The following CARMIL1 variants were observed in gnomAD, a reference collection of about 807,000 sequenced individuals.
CARMIL1 encodes the protein F-actin-uncapping protein LRRC16A.
A neutral mutation model predicts 177.1 loss-of-function variants in CARMIL1; 90 were observed. The observed-to-expected ratio is 0.51, with a 90% CI of 0.43 to 0.61. The LOEUF (loss-of-function observed/expected upper bound fraction) is 0.61. Among genes scored for constraint, CARMIL1 ranks in the 20% least tolerant of loss-of-function variants. The pLI is 0.00. For synonymous variants in CARMIL1, 577 were observed against 606.2 expected (o/e 0.95, Z 0.71); for missense variants, 1,380 against 1,667.0 (o/e 0.83, Z 3.00).
intron 17 of CARMIL1, among the ~76,000 whole-genome samples, chr6:25,501,701 T>C (rs141066406): frequency 1.3e-5 from 2 of 152,294 alleles, no homozygotes; most frequent in East Asian, 3.9e-4. Context: ...TTAACTCCTG[T>C]ATGCTTGGAT....
chr6:25,441,898 T>G (rs1797814433), intron 5 of CARMIL1, among the ~76,000 whole-genome samples: 1 of 152,018 alleles, frequency 6.6e-6, no homozygotes, highest in South Asian at 2.1e-4. Flanking sequence ...AGCTAGATTT[T>G]TTTTTTTTAG....
chr6:25,337,755 A>G (rs1168624954), intron 2 of CARMIL1, among the ~76,000 whole-genome samples: 8 of 152,224 alleles, frequency 5.3e-5, no homozygotes, highest in African/African-American at 2.4e-5. Context: ...AGTACTAGAA[A>G]ATGTTCTCTT....
At chr6:25,387,114 C>CAAAAAA (rs377548646) in intron 2 of CARMIL1, among the ~76,000 whole-genome samples, 17,208 of 100,570 alleles carry the variant, frequency 0.17, 1,467 homozygotes, top group East Asian at 0.25. Flanking sequence ...ACTCTGTCTC[C>CAAAAAA]AAAAAAAAAA....
rs34928775 is a variant in CARMIL1 at position 25,340,777 on chromosome 6, G to GTTT, written c.138+55893_138+55895dup. Reference sequence around the variant, plus strand: ...AAGCTGGAGAAGGCTGTCAATGAAGGTTTTTTTTTTTTTTTTTTTTTTTTT... The same window carrying GTTT: ...AAGCTGGAGAAGGCTGTCAATGAAGGTTTTTTTTTTTTTTTTTTTTTTTTTTTT... On this transcript the variant is annotated intron_variant, in intron 2 of 36. Transcript: ENST00000329474. 4.6e-3 allele frequency among the ~76,000 whole-genome samples: 398 copies of GTTT among 86,134 alleles called. 26 individuals carry two copies. Among genetic ancestry groups the GTTT allele is most frequent in the African/African-American group, 0.01 (251 of 25,084 alleles). 56.5% of individuals were successfully genotyped at this position (86,134 alleles called of 152,430 possible). A position where few individuals can be genotyped will look rare whatever the true frequency, so the allele number is the denominator to read the frequency against.
intron 4 of CARMIL1, among the ~76,000 whole-genome samples, chr6:25,429,881 C>T (rs1796592574): frequency 1.4e-5 from 2 of 145,430 alleles, no homozygotes; most frequent in Admixed American, 1.3e-4. Flanking sequence ...GAGTCTCACT[C>T]TGTCACCAGG....
Position 25,448,916 on chromosome 6 carries a change from C to CTTTTT in CARMIL1, c.372-969_372-965dup, listed in dbSNP as rs36000360. On this transcript the variant is annotated intron_variant, in intron 5 of 36. Coordinates refer to ENST00000329474, the MANE Select transcript of CARMIL1 (RefSeq NM_017640.6). Reference sequence around the variant, plus strand: ...ACATTACCACACACCAGGGATTCTTCTTTTTTTTTTTTTTTTTGGAGAGTC... The same window carrying CTTTTT: ...ACATTACCACACACCAGGGATTCTTCTTTTTTTTTTTTTTTTTTTTTTGGAGAGTC... Among the ~76,000 whole-genome samples the CTTTTT allele has an allele frequency of 7.1e-5, 9 of 126,454 alleles. 1 individual carries two copies. The highest frequency in any genetic ancestry group is 1.2e-4 in the African/African-American group (4 of 33,892). 83.0% of individuals were successfully genotyped at this position (126,454 alleles called of 152,430 possible).
intron 3 of CARMIL1, among the ~76,000 whole-genome samples, chr6:25,426,040 T>C (rs958864323): frequency 3.9e-5 from 6 of 152,096 alleles, no homozygotes; most frequent in African/African-American, 1.4e-4. Context: ...TGAAGCAAAA[T>C]TTTGAAGTGA....
At chr6:25,295,960 G>C (rs1474128724) in intron 2 of CARMIL1, among the ~76,000 whole-genome samples, 1 of 152,198 alleles carries the variant, frequency 6.6e-6, no homozygotes, top group Non-Finnish European at 1.5e-5. Context: ...TGGTAGTTGA[G>C]TAGATTCACA....
At chr6:25,581,153 TTAAA>T in intron 30 of CARMIL1, 86 bp from the exon 31 acceptor site, 1 of 1,361,444 alleles carries the variant, frequency 7.3e-7, no homozygotes, top group Admixed American at 2.3e-5. Flanking sequence ...TATGCTAGAC[TTAAA>T]ATTACTTTTA....
intron 23 of CARMIL1, among the ~76,000 whole-genome samples, chr6:25,521,468 T>C (rs1806545004): frequency 6.6e-6 from 1 of 152,198 alleles, no homozygotes; most frequent in Non-Finnish European, 1.5e-5. Context: ...GGTCTGCAGT[T>C]ACTTATCAAT....
chr6:25,580,968 G>A lies in CARMIL1; in HGVS notation c.2787G>A (p.Leu929=), dbSNP rs1813065372. The A allele has an allele frequency of 6.2e-7, 1 of 1,601,694 alleles. No homozygotes were observed. The highest frequency in any genetic ancestry group is 8.5e-7 in the Non-Finnish European group (1 of 1,173,584). ...SKRKSIHSRM[L]RPVSRAFEME... is the part of the protein sequence containing the mutation. ...GGAAGAGTATCCATAGCCGAATGCT[G>A]CGGCCTGTTTCTAGGGCTTTTGGTA... The change falls in exon 30 of 37, where the codon CTG becomes CTA. Residue 929 remains leucine (L), a synonymous_variant. Coordinates refer to ENST00000329474, the MANE Select transcript of CARMIL1 (RefSeq NM_017640.6).
intron 2 of CARMIL1, among the ~76,000 whole-genome samples, chr6:25,306,724 G>A (rs1278163211): frequency 6.6e-6 from 1 of 151,864 alleles, no homozygotes; most frequent in African/African-American, 2.4e-5. Context: ...TTATTTTTTG[G>A]CTACTGTGAA....
chr6:25,456,133 G>A (rs1423661110), intron 8 of CARMIL1, among the ~76,000 whole-genome samples: 5 of 152,162 alleles, frequency 3.3e-5, no homozygotes, highest in Non-Finnish European at 7.3e-5. Flanking sequence ...CATGTGCATC[G>A]TCCTGTCCTG....
chr6:25,494,426 C>T (rs986962569), intron 15 of CARMIL1, among the ~76,000 whole-genome samples: 1 of 152,064 alleles, frequency 6.6e-6, no homozygotes, highest in Non-Finnish European at 1.5e-5. Context: ...TTTCTTAAAC[C>T]CTTATCATAT....
Position 25,551,083 on chromosome 6 carries a change from T to C in CARMIL1, c.2502T>C (p.Ile834=), listed in dbSNP as rs1486150532. 1 of 1,611,470 alleles carries C rather than the reference T, an allele frequency of 6.2e-7. No individual in the cohort carries two copies. The highest frequency in any genetic ancestry group is 2.2e-5 in the East Asian group (1 of 44,870). Residue 834 remains isoleucine, a splice_region_variant and synonymous_variant, in exon 27 of 37, where the codon ATT becomes ATC. Transcript: ENST00000329474. ...EQSGIDILNK[I]SEVKLTVASF... Reference sequence around the variant, plus strand: ...CTGGAATTGATATCCTTAACAAAATTAGGTAGGTTTATAATGTTAATAAAC... The same window carrying C: ...CTGGAATTGATATCCTTAACAAAATCAGGTAGGTTTATAATGTTAATAAAC...
intron 29 of CARMIL1, 149 bp downstream of exon 29, chr6:25,556,999 A>C: frequency 1.2e-6 from 1 of 825,354 alleles, no homozygotes; most frequent in Admixed American, 2.9e-5. Context: ...AGTCCTAAAG[A>C]GGCCGCTAAT....
At chr6:25,377,494 T>C (rs1234166903) in intron 2 of CARMIL1, among the ~76,000 whole-genome samples, 2 of 152,180 alleles carry the variant, frequency 1.3e-5, no homozygotes, top group Non-Finnish European at 2.9e-5. Flanking sequence ...CTAGTGGGGC[T>C]GCCACACTCC....
Position 25,594,541 on chromosome 6 carries a change from A to G in CARMIL1, c.3119+14A>G. On this transcript the variant is annotated intron_variant, in intron 32 of 36. Transcript: ENST00000329474. ...AATGGATTCCAAGTGAGTTCAGAGT[A>G]ATTTCACTGATAATGCTATTTTATT... 1 of 1,331,000 alleles carries G rather than the reference A, an allele frequency of 7.5e-7. No individual in the cohort carries two copies. Among genetic ancestry groups the G allele is most frequent in the Non-Finnish European group, 1.1e-6 (1 of 926,494 alleles). 82.4% of individuals were successfully genotyped at this position (1,331,000 alleles called of 1,614,324 possible). A position where few individuals can be genotyped will look rare whatever the true frequency, so the allele number is the denominator to read the frequency against.
chr6:25,480,581 A>T (rs1261224168), intron 11 of CARMIL1, among the ~76,000 whole-genome samples: 26 of 150,292 alleles, frequency 1.7e-4, no homozygotes, highest in Admixed American at 1.7e-3. Context: ...TATTCAAATA[A>T]ATCATCTTTG....
Sources: gnomAD v4.1 joint callset for allele counts (sites outside exome capture counted in the v4.1 genomes callset) on GRCh38, gnomAD v4.1.1 for gene constraint, MANE v1.5 for transcripts, NCBI Gene and HGNC (gene_info 2026-07-23, HGNC 2026-07-21) for gene names.